The following FEZ1 variants were observed in gnomAD, a reference collection of about 807,000 sequenced individuals.
The protein encoded by FEZ1 is fasciculation and elongation protein zeta-1.
A neutral mutation model predicts 49.3 loss-of-function variants in FEZ1; 20 were observed. The observed-to-expected ratio is 0.41, with a 90% CI of 0.29 to 0.59. The LOEUF is 0.59. Among genes scored for constraint, FEZ1 ranks in the 20% least tolerant of loss-of-function variants. The probability of loss-of-function intolerance (pLI) is 0.36; values close to 1 mark genes in which losing one functional copy is unlikely to be tolerated. For missense variants in FEZ1, 413 were observed against 476.0 expected (o/e 0.87, Z 1.23); for synonymous variants, 170 against 180.9 (o/e 0.94, Z 0.48).
At chr11:125,491,777 G>A (rs12282786) in intron 1 of FEZ1, among the ~76,000 whole-genome samples, 1,839 of 152,248 alleles carry the variant, frequency 0.012, 34 homozygotes, top group African/African-American at 0.032. Flanking sequence ...GTTGATTACC[G>A]TTGCTTTAAA....
intron 2 of FEZ1, among the ~76,000 whole-genome samples, chr11:125,482,168 T>C (rs1957286876): frequency 6.6e-6 from 1 of 152,172 alleles, no homozygotes; most frequent in Non-Finnish European, 1.5e-5. Flanking sequence ...ACAATCTAAA[T>C]GATCAGGAAT....
intron 3 of FEZ1, among the ~76,000 whole-genome samples, chr11:125,465,047 C>G (rs892197818): frequency 1.3e-5 from 2 of 152,146 alleles, no homozygotes; most frequent in Admixed American, 1.3e-4. Context: ...AACGAAGATA[C>G]ATTTTTTCCT....
rs116266371 is a variant in FEZ1, at chr11:125,479,305, G to A, written c.411+2229C>T. Among the ~76,000 whole-genome samples the A allele has an allele frequency of 3.6e-3, 551 of 152,264 alleles. 4 individuals carry two copies. The highest frequency in any genetic ancestry group is 0.013 in the African/African-American group (525 of 41,554). On this transcript the variant is annotated intron_variant, in intron 3 of 9. Coordinates refer to ENST00000278919, the MANE Select transcript of FEZ1 (RefSeq NM_005103.5). ...AGCAATAATCTACAAATATATTGCC[G>A]AGTAAGGGGAATCTGTTTCTTGCTC...
At chr11:125,466,502 C>T (rs1957131446) in intron 3 of FEZ1, among the ~76,000 whole-genome samples, 1 of 151,924 alleles carries the variant, frequency 6.6e-6, no homozygotes, top group African/African-American at 2.4e-5. Flanking sequence ...AAAAAAACAC[C>T]TTGCTAGCTG....
chr11:125,454,856 A>G (rs1266937391), intron 6 of FEZ1, among the ~76,000 whole-genome samples: 2 of 151,638 alleles, frequency 1.3e-5, no homozygotes, highest in African/African-American at 2.4e-5. Context: ...TCTACTAAAA[A>G]TACAAAAATT....
In FEZ1 at chr11:125,478,213, C is replaced by A. The variant is rs1047417781; in HGVS notation, c.411+3321G>T. Among the ~76,000 whole-genome samples, 19 of 152,248 alleles carry A rather than the reference C, an allele frequency of 1.2e-4. No individual in the cohort carries two copies. The East Asian group carries it at 1.9e-3, about 16-fold the overall frequency. ...ATCCCAGCACTTTGGGAGGCCAAGG[C>A]GGGTGGATCACCTGAGGTTGGGAGT... is the stretch of plus-strand genomic sequence containing the variant. On this transcript the variant is annotated intron_variant, in intron 3 of 9. Coordinates refer to ENST00000278919, the MANE Select transcript of FEZ1 (RefSeq NM_005103.5).
At chr11:125,457,039 C>T (rs994042216) in intron 5 of FEZ1, among the ~76,000 whole-genome samples, 1 of 151,124 alleles carries the variant, frequency 6.6e-6, no homozygotes, top group East Asian at 2.0e-4. Flanking sequence ...CAAAATTAGC[C>T]AGGCATGGTG....
Position 125,495,714 on chromosome 11 carries a change from C to T in FEZ1, c.-46+407G>A. On this transcript the variant is annotated intron_variant, in intron 1 of 9. Transcript: ENST00000278919. The surrounding 1 kb of genome is among the most constrained non-coding windows in gnomAD (Gnocchi z 4.2). ...TACCGACCCACTGCCCCAGCGCGAT[C>T]GGGCGGCGTTCCCTTCTTCCCCCAG... is the stretch of plus-strand genomic sequence containing the variant. 1.4e-5 allele frequency: 5 copies of T among 353,614 alleles called. No homozygotes were observed. The highest frequency in any genetic ancestry group is 6.2e-5 in the South Asian group (3 of 48,536). 21.9% of individuals were successfully genotyped at this position (353,614 alleles called of 1,614,324 possible). A position where few individuals can be genotyped will look rare whatever the true frequency, so the allele number is the denominator to read the frequency against.
chr11:125,492,881 T>C (rs916906071), intron 1 of FEZ1, among the ~76,000 whole-genome samples: 7 of 151,200 alleles, frequency 4.6e-5, no homozygotes, highest in African/African-American at 1.5e-4. Flanking sequence ...GGCAGGAGGA[T>C]TGGTTGAGCC....
chr11:125,480,397 G>C (rs892311395), intron 3 of FEZ1, among the ~76,000 whole-genome samples: 1 of 152,012 alleles, frequency 6.6e-6, no homozygotes, highest in Non-Finnish European at 1.5e-5. Context: ...GAAAAAAAGA[G>C]AGACTTCTTC....
chr11:125,473,796 G>A lies in FEZ1; in HGVS notation c.411+7738C>T, dbSNP rs367797059. On this transcript the variant is annotated intron_variant, in intron 3 of 9. Coordinates refer to ENST00000278919, the MANE Select transcript of FEZ1 (RefSeq NM_005103.5). The stretch of plus-strand genomic sequence containing the variant: ...ATTGAGTCACTGCACTCCAGCCTGG[G>A]CAACAGAGCAAGACTCCATTTCAAA... Among the ~76,000 whole-genome samples the A allele has an allele frequency of 4.0e-4, 58 of 143,964 alleles. No individual in the cohort carries two copies. In the South Asian group the frequency reaches 7.5e-3, roughly 19 times the overall value. 94.4% of individuals were successfully genotyped at this position (143,964 alleles called of 152,430 possible). A position where few individuals can be genotyped will look rare whatever the true frequency, so the allele number is the denominator to read the frequency against.
chr11:125,463,517 A>T lies in FEZ1; in HGVS notation c.465T>A (p.Gly155=). The T allele has an allele frequency of 6.2e-7, 1 of 1,609,726 alleles. No individual in the cohort carries two copies. The highest frequency in any genetic ancestry group is 8.5e-7 in the Non-Finnish European group (1 of 1,176,090). ...CTGTGAGCAGAGGCTCCTCGTTGAT[A>T]CCGGAATCATTTTCACTCTTCTCAT... ...EFNEKSENDS[G]INEEPLLTAD... Residue 155 remains glycine (G), a synonymous_variant, in exon 4 of 10, where the codon GGT becomes GGA. Transcript: ENST00000278919.
intron 3 of FEZ1, among the ~76,000 whole-genome samples, chr11:125,472,747 G>A (rs1268233284): frequency 6.6e-6 from 1 of 151,928 alleles, no homozygotes; most frequent in African/African-American, 2.4e-5. Context: ...TTCAGAAAAA[G>A]AACATGATGC....
chr11:125,481,665 C>T, intron 2 of FEZ1, 32 bp from the exon 3 acceptor site: 1 of 1,459,676 alleles, frequency 6.9e-7, no homozygotes, highest in Non-Finnish European at 9.6e-7. Flanking sequence ...CATTAACACA[C>T]ATCTGTGGCC....
At position 125,463,499 on chromosome 11, in the gene FEZ1, C is replaced by A. The variant is rs1414612376; in HGVS notation, c.483G>T (p.Leu161=). ...ATACTTATACCTGATCTGCTGTGAG[C>A]AGAGGCTCCTCGTTGATACCGGAAT... ...ENDSGINEEP[L]LTADQVIEEI... Residue 161 remains leucine, a synonymous_variant, in exon 4 of 10, where the codon CTG becomes CTT. Coordinates refer to ENST00000278919, the MANE Select transcript of FEZ1 (RefSeq NM_005103.5). The A allele has an allele frequency of 1.2e-6, 2 of 1,601,300 alleles. No individual in the cohort carries two copies. The highest frequency in any genetic ancestry group is 1.7e-6 in the Non-Finnish European group (2 of 1,168,430).
chr11:125,471,597 T>A (rs1326551618), intron 3 of FEZ1, among the ~76,000 whole-genome samples: 1 of 152,056 alleles, frequency 6.6e-6, no homozygotes, highest in Non-Finnish European at 1.5e-5. Flanking sequence ...GGAGATGTAC[T>A]CAGAGCTTCA....
rs948534997 is a variant in FEZ1 at position 125,447,514 on chromosome 11, T to C, written c.1162+988A>G. On this transcript the variant is annotated intron_variant, in intron 9 of 9. Transcript: ENST00000278919. The stretch of plus-strand genomic sequence containing the variant: ...TATGGGAAAAACAGGGAATACTGAT[T>C]GGATAGTCAGTACTAAGAAACTCTT... 4.6e-5 allele frequency among the ~76,000 whole-genome samples: 7 copies of C among 152,302 alleles called. No individual in the cohort carries two copies. The East Asian group carries it at 1.3e-3, about 29-fold the overall frequency.
Position 125,495,971 on chromosome 11 carries a change from T to G in FEZ1, c.-46+150A>C. ...AAGGCGACGGCCTCCCGTTGTTCCT[T>G]TCTAATCCCAGAATGGGACCAGGTG... On this transcript the variant is annotated intron_variant, in intron 1 of 9. Coordinates refer to ENST00000278919, the MANE Select transcript of FEZ1 (RefSeq NM_005103.5). The surrounding 1 kb of genome is among the most constrained non-coding windows in gnomAD (Gnocchi z 4.2). The G allele has an allele frequency of 8.8e-6, 2 of 226,278 alleles. No individual in the cohort carries two copies. The highest frequency in any genetic ancestry group is 5.5e-5 in the South Asian group (1 of 18,082). The allele number at this position is 226,278 out of a possible 1,614,324, so 14.0% of individuals were successfully genotyped here.
At chr11:125,460,299 C>T (rs983155691) in intron 5 of FEZ1, 199 bp downstream of exon 5, 2 of 459,254 alleles carry the variant, frequency 4.4e-6, no homozygotes, top group South Asian at 6.0e-5. Flanking sequence ...AAATTTTGCT[C>T]GACTACCTTG....
Sources: gnomAD v4.1 joint callset for allele counts (sites outside exome capture counted in the v4.1 genomes callset) on GRCh38, gnomAD v4.1.1 for gene constraint, Gnocchi (gnomAD v3.1) non-coding constraint, MANE v1.5 for transcripts, NCBI Gene and HGNC (gene_info 2026-07-23, HGNC 2026-07-21) for gene names.